Variants in CNTNAP2 observed in about 807,000 individuals in gnomAD.
CNTNAP2 encodes the protein contactin associated protein 2, also known as contactin-associated protein-like 2.
CNTNAP2 carries 98 observed loss-of-function variants against 155.2 expected under a neutral mutation model. The observed-to-expected ratio is 0.63, with a 90% confidence interval of 0.54 to 0.75. The LOEUF is 0.75. Among genes scored for constraint, CNTNAP2 ranks in the 30% least tolerant of loss-of-function variants. The pLI is 0.00. For synonymous variants in CNTNAP2, 651 were observed against 631.2 expected (o/e 1.03, Z -0.47); for missense variants, 1,727 against 1,688.1 (o/e 1.02, Z -0.40).
At chr7:146,547,035 T>G (rs1798040029) in intron 1 of CNTNAP2, among the ~76,000 whole-genome samples, 1 of 151,738 alleles carries the variant, frequency 6.6e-6, no homozygotes, top group African/African-American at 2.4e-5. Context: ...GTTTAGGTCG[T>G]AAGCACTTAG....
chr7:147,619,168 A>T (rs1801347520), intron 12 of CNTNAP2, among the ~76,000 whole-genome samples: 1 of 152,270 alleles, frequency 6.6e-6, no homozygotes, highest in South Asian at 2.1e-4. Flanking sequence ...ATAGTAATCC[A>T]AAGACAGTAT....
chr7:148,165,685 G>C (rs950835206), intron 17 of CNTNAP2, among the ~76,000 whole-genome samples: 1 of 152,148 alleles, frequency 6.6e-6, no homozygotes, highest in African/African-American at 2.4e-5. Context: ...CATGCCATGA[G>C]CGGCGAAGCC....
intron 1 of CNTNAP2, among the ~76,000 whole-genome samples, chr7:146,302,907 A>T (rs543437038): frequency 6.6e-6 from 1 of 152,316 alleles, no homozygotes; most frequent in African/African-American, 2.4e-5. Context: ...TGACCTTTGT[A>T]ATAAATGTAT....
intron 1 of CNTNAP2, among the ~76,000 whole-genome samples, chr7:146,767,036 T>C (rs531444203): frequency 6.6e-6 from 1 of 152,358 alleles, no homozygotes; most frequent in East Asian, 1.9e-4. Context: ...AATCAGTTGA[T>C]TTCATTCCAA....
intron 1 of CNTNAP2, among the ~76,000 whole-genome samples, chr7:146,478,104 A>G (rs919186689): frequency 6.6e-6 from 1 of 152,144 alleles, no homozygotes; most frequent in Non-Finnish European, 1.5e-5. Context: ...GTTTTATGGC[A>G]GAGTGTGGAG....
At chr7:147,655,296 T>C (rs553426664) in intron 13 of CNTNAP2, among the ~76,000 whole-genome samples, 1 of 152,068 alleles carries the variant, frequency 6.6e-6, no homozygotes, top group Admixed American at 6.5e-5. Flanking sequence ...CTAATGTTTG[T>C]ATTTTTATTA....
chr7:146,859,572 G>A (rs979273508), intron 3 of CNTNAP2, among the ~76,000 whole-genome samples: 1 of 151,988 alleles, frequency 6.6e-6, no homozygotes, highest in Non-Finnish European at 1.5e-5. Flanking sequence ...CTGGAGAATC[G>A]CTTGAACGCA....
At chr7:146,321,889 T>C (rs1236740476) in intron 1 of CNTNAP2, among the ~76,000 whole-genome samples, 2 of 152,172 alleles carry the variant, frequency 1.3e-5, no homozygotes, top group Non-Finnish European at 2.9e-5. Flanking sequence ...CCATTATTTC[T>C]TTTTTTCACA....
At chr7:147,767,880 G>C (rs1797406882) in intron 13 of CNTNAP2, among the ~76,000 whole-genome samples, 1 of 152,088 alleles carries the variant, frequency 6.6e-6, no homozygotes, top group South Asian at 2.1e-4. Context: ...GAGAGAAAGA[G>C]AAAGAAAGGA....
intron 14 of CNTNAP2, among the ~76,000 whole-genome samples, chr7:147,935,228 G>C (rs929753280): frequency 3.9e-5 from 6 of 151,986 alleles, no homozygotes; most frequent in African/African-American, 1.4e-4. Flanking sequence ...CCGGGGTCAA[G>C]CGACTCTCCT....
intron 13 of CNTNAP2, among the ~76,000 whole-genome samples, chr7:147,703,030 G>A (rs928270327): frequency 6.6e-6 from 1 of 151,780 alleles, no homozygotes; most frequent in African/African-American, 2.4e-5. Context: ...ATGGTAAGAA[G>A]TGTCACTTTC....
chr7:148,194,326 G>C (rs1428646997), intron 18 of CNTNAP2, among the ~76,000 whole-genome samples: 1 of 151,944 alleles, frequency 6.6e-6, no homozygotes, highest in African/African-American at 2.4e-5. Flanking sequence ...GACTCCTCCA[G>C]CCTTGAGTGA....
At chr7:147,226,564 C>T (rs1209517458) in intron 8 of CNTNAP2, among the ~76,000 whole-genome samples, 2 of 152,016 alleles carry the variant, frequency 1.3e-5, no homozygotes, top group Non-Finnish European at 1.5e-5. Context: ...AGGAAACTTT[C>T]CTTCTCTCAC....
At chr7:147,075,562 A>G (rs997168265) in intron 4 of CNTNAP2, among the ~76,000 whole-genome samples, 1 of 152,198 alleles carries the variant, frequency 6.6e-6, no homozygotes, top group Admixed American at 6.5e-5. Flanking sequence ...CAATAATAAT[A>G]GTATATGAAT....
intron 8 of CNTNAP2, among the ~76,000 whole-genome samples, chr7:147,217,032 C>G (rs1181112036): frequency 1.3e-5 from 2 of 152,008 alleles, no homozygotes; most frequent in Non-Finnish European, 2.9e-5. Context: ...ACCTCATATT[C>G]TGCAACTATG....
At chr7:147,852,569 C>T (rs563249726) in intron 13 of CNTNAP2, among the ~76,000 whole-genome samples, 2 of 152,242 alleles carry the variant, frequency 1.3e-5, no homozygotes, top group South Asian at 4.1e-4. Context: ...CTATACAAAG[C>T]CTTCCTTAAA....
Position 147,523,102 on chromosome 7 carries a change from A to G in CNTNAP2, c.1777+37061A>G, listed in dbSNP as rs536117173. On this transcript the variant is annotated intron_variant, in intron 11 of 23. Coordinates refer to ENST00000361727, the MANE Select transcript of CNTNAP2 (RefSeq NM_014141.6). Reference sequence around the variant, plus strand: ...GGTCTCTCACAGTCAAGATGCAATCAAGATGCTGATGTCAGTGAGGGCCGC... The same window carrying G: ...GGTCTCTCACAGTCAAGATGCAATCGAGATGCTGATGTCAGTGAGGGCCGC... Among the ~76,000 whole-genome samples, 101 of 152,328 alleles carry G rather than the reference A, an allele frequency of 6.6e-4. 1 individual carries two copies. The highest frequency in any genetic ancestry group is 2.4e-3 in the African/African-American group (99 of 41,574).
intron 3 of CNTNAP2, among the ~76,000 whole-genome samples, chr7:146,973,550 C>A (rs1797846868): frequency 6.6e-6 from 1 of 152,158 alleles, no homozygotes; most frequent in Non-Finnish European, 1.5e-5. Context: ...TAATTAAAAA[C>A]CATTAGGATA....
intron 8 of CNTNAP2, among the ~76,000 whole-genome samples, chr7:147,180,429 A>G (rs911793532): frequency 6.6e-6 from 1 of 152,194 alleles, no homozygotes; most frequent in African/African-American, 2.4e-5. Context: ...CCAGAAAATC[A>G]TGAGTTCATA....
Sources: gnomAD v4.1 joint callset for allele counts (sites outside exome capture counted in the v4.1 genomes callset) on GRCh38, gnomAD v4.1.1 for gene constraint, MANE v1.5 for transcripts, NCBI Gene and HGNC (gene_info 2026-07-23, HGNC 2026-07-21) for gene names.